RBM41: variants seen among roughly 807,000 people sequenced by gnomAD.
RBM41 encodes the protein RNA binding motif protein 41.
RBM41 carries 14 observed loss-of-function variants against 30.8 expected under a neutral mutation model. The observed-to-expected ratio is 0.45, with a 90% confidence interval of 0.30 to 0.71. The LOEUF (loss-of-function observed/expected upper bound fraction) is 0.71, where lower values mean the gene tolerates loss of function less well. Among genes scored for constraint, RBM41 ranks in the 30% least tolerant of loss-of-function variants. The probability of loss-of-function intolerance (pLI) is 0.08; values close to 1 mark genes in which losing one functional copy is unlikely to be tolerated. For missense variants in RBM41, 276 were observed against 326.3 expected (o/e 0.85, Z 1.19); for synonymous variants, 120 against 110.1 (o/e 1.09, Z -0.56).
rs1229336819 is a variant in RBM41, at chrX:107,064,881, C to G, written c.*2646G>C. ...GAAAAAGGGGTATTGAATATTCCAA[C>G]TCTTTTTATGGACTTATCTGTTTCT... On this transcript the variant is annotated 3_prime_UTR_variant, in exon 8 of 8. Transcript: ENST00000685964. The G allele has an allele frequency of 9.0e-6, 1 of 111,464 alleles. No homozygotes were observed. The highest frequency in any genetic ancestry group is 1.9e-5 in the Non-Finnish European group (1 of 53,065). The allele number at this position is 111,464 out of a possible 1,213,427, so 9.2% of individuals were successfully genotyped here. A position where few individuals can be genotyped will look rare whatever the true frequency, so the allele number is the denominator to read the frequency against.
rs1215648682 is a variant in RBM41, at chrX:107,063,083, G to A, written c.*4444C>T. ...ACACCACACAATTCACCCATTTAAC[G>A]TGTACAATTCCTGGTTTTTAGTATA... is the stretch of plus-strand genomic sequence containing the variant. On this transcript the variant is annotated 3_prime_UTR_variant, in exon 8 of 8. Coordinates refer to ENST00000685964, the MANE Select transcript of RBM41 (RefSeq NM_001324242.2). 1.8e-5 allele frequency among the ~76,000 whole-genome samples: 2 copies of A among 110,934 alleles called. No homozygotes were observed. Among genetic ancestry groups the A allele is most frequent in the African/African-American group, 6.6e-5 (2 of 30,472 alleles).
chrX:107,054,536 T>C, the RBM41 span, among the ~76,000 whole-genome samples: 4 of 111,986 alleles, frequency 3.6e-5, no homozygotes, highest in East Asian at 1.1e-3. Context: ...CTAAATGGTA[T>C]TGGCTTTCTG....
chrX:107,100,859 C>A (rs1025670021), intron 5 of RBM41, among the ~76,000 whole-genome samples: 4 of 111,957 alleles, frequency 3.6e-5, no homozygotes, highest in African/African-American at 1.3e-4. Context: ...CCCAAATGTG[C>A]AACTACAGTA....
Position 107,065,615 on chromosome X carries a change from A to T in RBM41, c.*1912T>A, listed in dbSNP as rs1413811408. 2 of 483,375 alleles carry T rather than the reference A, an allele frequency of 4.1e-6. No homozygotes were observed. Among genetic ancestry groups the T allele is most frequent in the African/African-American group, 2.5e-5 (1 of 40,327 alleles). The allele number at this position is 483,375 out of a possible 1,213,427, so 39.8% of individuals were successfully genotyped here. A position where few individuals can be genotyped will look rare whatever the true frequency, so the allele number is the denominator to read the frequency against. On this transcript the variant is annotated 3_prime_UTR_variant, in exon 8 of 8. Coordinates refer to ENST00000685964, the MANE Select transcript of RBM41 (RefSeq NM_001324242.2). ...TACATCTTTAAAAGAAGCTGAGAGAAGAGTAAGTATATGTTTATAGTTTTT... is the reference window on the plus strand; with the variant it reads ...TACATCTTTAAAAGAAGCTGAGAGATGAGTAAGTATATGTTTATAGTTTTT...
chrX:107,097,312 T>TA lies in RBM41; in HGVS notation c.596-8474dup, dbSNP rs201888231. Among the ~76,000 whole-genome samples the TA allele has an allele frequency of 2.4e-3, 271 of 112,062 alleles. 1 individual carries two copies. The highest frequency in any genetic ancestry group is 4.0e-3 in the Non-Finnish European group (211 of 53,206). On this transcript the variant is annotated intron_variant, in intron 5 of 7. Transcript: ENST00000685964. ...AAATGTCATCAAGTGGTGAAAAGAT[T>TA]AAACAATGCGGTATATCTATTGACA...
At chrX:107,069,225 C>A (rs1396935617) in intron 7 of RBM41, 30 bp downstream of exon 7, 2 of 1,156,678 alleles carry the variant, frequency 1.7e-6, no homozygotes, top group African/African-American at 3.6e-5. Context: ...TGAGGGGCAA[C>A]TGAGTAATCA....
At chrX:107,056,890 T>TG (rs1935594823), downstream of RBM41, among the ~76,000 whole-genome samples, 1 of 93,695 alleles carries the variant, frequency 1.1e-5, no homozygotes, top group African/African-American at 4.2e-5. Context: ...CTTTTTTTTT[T>TG]TGGGGGGGGC....
At chrX:107,053,514 G>T in the RBM41 span, among the ~76,000 whole-genome samples, 1 of 113,058 alleles carries the variant, frequency 8.8e-6, no homozygotes, top group Non-Finnish European at 1.9e-5. Context: ...TGCTGAAGTT[G>T]TTCCATTGTT....
chrX:107,072,238 T>TA (rs5903297), intron 6 of RBM41, among the ~76,000 whole-genome samples: 5 of 107,580 alleles, frequency 4.6e-5, no homozygotes, highest in African/African-American at 1.4e-4. Context: ...GAGAAAAACC[T>TA]AAAAAAAAAC....
chrX:107,106,457 G>A (rs985313051), intron 5 of RBM41, among the ~76,000 whole-genome samples: 23 of 111,641 alleles, frequency 2.1e-4, no homozygotes, highest in African/African-American at 7.5e-4. Flanking sequence ...GGAATTCAGT[G>A]TGGCGATTCC....
In RBM41 at chrX:107,088,855, G is replaced by T. The variant is rs1254951052; in HGVS notation, c.596-16C>A. 8.5e-7 allele frequency: 1 copy of T among 1,177,555 alleles called. No individual in the cohort carries two copies. Among genetic ancestry groups the T allele is most frequent in the Non-Finnish European group, 1.1e-6 (1 of 878,514 alleles). Reference sequence around the variant, plus strand: ...TGGGGTTCATCTGGATCAAGACAAAGAGATAGGGAAGTTCTACAAAGCCTA... The same window carrying T: ...TGGGGTTCATCTGGATCAAGACAAATAGATAGGGAAGTTCTACAAAGCCTA... On this transcript the variant is annotated splice_polypyrimidine_tract_variant and intron_variant, in intron 5 of 7. Coordinates refer to ENST00000685964, the MANE Select transcript of RBM41 (RefSeq NM_001324242.2).
At chrX:107,109,739 C>T (rs1204024787) in intron 5 of RBM41, among the ~76,000 whole-genome samples, 1 of 111,156 alleles carries the variant, frequency 9.0e-6, no homozygotes, top group Middle Eastern at 4.2e-3. Context: ...ATGGGCATTA[C>T]AGCTAAATAT....
chrX:107,088,294 G>T, intron 6 of RBM41, 142 bp downstream of exon 6: 1 of 600,571 alleles, frequency 1.7e-6, no homozygotes, highest in Non-Finnish European at 2.6e-6. Flanking sequence ...AGAATGAATA[G>T]TCAAGGTCAA....
rs181820570 is a variant in RBM41 at position 107,116,113 on chromosome X, T to G, written c.126-59A>C. The stretch of plus-strand genomic sequence containing the variant: ...TTGAGGTTACTATCATTCACAAAAA[T>G]GGAGGTTCAGCACTGTAAGAGGTAC... On this transcript the variant is annotated intron_variant, in intron 2 of 7. Coordinates refer to ENST00000685964, the MANE Select transcript of RBM41 (RefSeq NM_001324242.2). 149 of 1,049,812 alleles carry G rather than the reference T, an allele frequency of 1.4e-4. No individual in the cohort carries two copies. In the African/African-American group the frequency reaches 2.5e-3, roughly 18 times the overall value. 86.5% of individuals were successfully genotyped at this position (1,049,812 alleles called of 1,213,427 possible). A position where few individuals can be genotyped will look rare whatever the true frequency, so the allele number is the denominator to read the frequency against.
chrX:107,076,574 G>A (rs745418354), intron 6 of RBM41, among the ~76,000 whole-genome samples: 1 of 110,566 alleles, frequency 9.0e-6, no homozygotes, highest in South Asian at 3.9e-4. Flanking sequence ...GGAGGAAATG[G>A]GGAGTTGCTG....
chrX:107,089,881 T>G (rs1314296045), intron 5 of RBM41, among the ~76,000 whole-genome samples: 1 of 111,731 alleles, frequency 9.0e-6, no homozygotes, highest in Admixed American at 9.5e-5. Flanking sequence ...CACTGCCTAG[T>G]CTATTAATTT....
rs141803037 is a variant in RBM41 at position 107,073,819 on chromosome X, A to C, written c.1000-4417T>G. Among the ~76,000 whole-genome samples, 1,001 of 112,108 alleles carry C rather than the reference A, an allele frequency of 8.9e-3. 7 individuals carry two copies. The highest frequency in any genetic ancestry group is 0.031 in the African/African-American group (961 of 30,929). On this transcript the variant is annotated intron_variant, in intron 6 of 7. Transcript: ENST00000685964. ...TATTGAAATCCTGTTATTCAGAGCA[A>C]TGTGGATGGAACTAGAGAATATTAT...
intron 5 of RBM41, among the ~76,000 whole-genome samples, chrX:107,091,186 C>G (rs1475627758): frequency 9.0e-6 from 1 of 111,727 alleles, no homozygotes; most frequent in Admixed American, 9.5e-5. Flanking sequence ...ACTTAAACTC[C>G]TTTATTTTAG....
intron 7 of RBM41, 40 bp downstream of exon 7, chrX:107,069,215 T>G (rs187137377): frequency 1.8e-6 from 2 of 1,121,206 alleles, no homozygotes; most frequent in Non-Finnish European, 2.4e-6. Flanking sequence ...TCTAGCGAAC[T>G]GAGGGGCAAC....
Sources: gnomAD v4.1 joint callset for allele counts (sites outside exome capture counted in the v4.1 genomes callset) on GRCh38, gnomAD v4.1.1 for gene constraint, MANE v1.5 for transcripts, NCBI Gene and HGNC (gene_info 2026-07-23, HGNC 2026-07-21) for gene names.